Variants in CEP135 observed in about 807,000 individuals in gnomAD.
The protein encoded by CEP135 is centrosomal protein of 135 kDa.
In CEP135, 142 loss-of-function variants were observed where a neutral mutation model predicts 157.3. The observed-to-expected ratio is 0.90, with a 90% confidence interval of 0.79 to 1.04. The LOEUF (loss-of-function observed/expected upper bound fraction) is 1.04. Ranked by LOEUF, CEP135 falls within the 50% of genes least tolerant of loss-of-function variation. The pLI, the probability that CEP135 is intolerant of heterozygous loss-of-function variation, is 0.00. For missense variants in CEP135, 1,317 were observed against 1,309.2 expected, an observed-to-expected ratio of 1.01 and a Z score of -0.09; for synonymous variants, 396 against 439.8, an observed-to-expected ratio of 0.90 and a Z score of 1.25.
At chr4:55,991,058 C>T (rs1309460746) in intron 14 of CEP135, among the ~76,000 whole-genome samples, 2 of 152,054 alleles carry the variant, frequency 1.3e-5, no homozygotes, top group East Asian at 1.9e-4. Flanking sequence ...TCACTGCAAC[C>T]TCTGCCACCA....
intron 10 of CEP135, among the ~76,000 whole-genome samples, chr4:55,972,195 A>G (rs1729050921): frequency 6.6e-6 from 1 of 152,118 alleles, no homozygotes; most frequent in South Asian, 2.1e-4. Flanking sequence ...ACCGATGTTT[A>G]TGAATCACCT....
rs570224718 is a variant in CEP135, at chr4:55,952,088, C to G, written c.-43C>G. 2.0e-6 allele frequency: 2 copies of G among 986,860 alleles called. No homozygotes were observed. The highest frequency in any genetic ancestry group is 1.5e-5 in the South Asian group (1 of 66,478). The allele number at this position is 986,860 out of a possible 1,614,324, so 61.1% of individuals were successfully genotyped here. A position where few individuals can be genotyped will look rare whatever the true frequency, so the allele number is the denominator to read the frequency against. On this transcript the variant is annotated splice_region_variant and 5_prime_UTR_variant, in exon 2 of 26. Coordinates refer to ENST00000257287, the MANE Select transcript of CEP135 (RefSeq NM_025009.5). The stretch of plus-strand genomic sequence containing the variant: ...GATGTTTCATTCTTTTCTCTCAGGA[C>G]TTTAATTTTTGGAAGTGAATAAAAC...
chr4:56,003,485 G>T (rs1730249788), intron 17 of CEP135, among the ~76,000 whole-genome samples: 2 of 152,164 alleles, frequency 1.3e-5, no homozygotes, highest in African/African-American at 4.8e-5. Flanking sequence ...TGGGATTAGA[G>T]GTGTGAGCCA....
intron 25 of CEP135, among the ~76,000 whole-genome samples, chr4:56,028,199 C>T (rs891462773): frequency 6.6e-6 from 1 of 152,150 alleles, no homozygotes; most frequent in African/African-American, 2.4e-5. Context: ...GTACAAGTAT[C>T]TGTTTTAGTC....
At chr4:55,968,313 A>T (rs990361637) in intron 8 of CEP135, among the ~76,000 whole-genome samples, 3 of 152,098 alleles carry the variant, frequency 2.0e-5, no homozygotes, top group Non-Finnish European at 4.4e-5. Flanking sequence ...GGAAGACCCA[A>T]TATTGTTAAA....
In CEP135 at chr4:56,032,447, A is replaced by G. The variant is rs77053696; in HGVS notation, c.*1099A>G. 1 of 33,938 alleles carries G rather than the reference A, an allele frequency of 2.9e-5. No individual in the cohort carries two copies. Among genetic ancestry groups the G allele is most frequent in the Non-Finnish European group, 5.8e-5 (1 of 17,130 alleles). The allele number at this position is 33,938 out of a possible 1,614,324, so 2.1% of individuals were successfully genotyped here. A position where few individuals can be genotyped will look rare whatever the true frequency, so the allele number is the denominator to read the frequency against. ...GTGACAGAGTAACACTCTGTCTCAG[A>G]AAAAAAAAAAAAGAAAAATATATGG... On this transcript the variant is annotated 3_prime_UTR_variant, in exon 26 of 26. Coordinates refer to ENST00000257287, the MANE Select transcript of CEP135 (RefSeq NM_025009.5).
intron 6 of CEP135, among the ~76,000 whole-genome samples, chr4:55,963,879 AG>A (rs1577869940): frequency 6.6e-6 from 1 of 152,216 alleles, no homozygotes; most frequent in East Asian, 1.9e-4. Flanking sequence ...TACTTTTCTT[AG>A]TGTGTTACAC....
intron 14 of CEP135, among the ~76,000 whole-genome samples, chr4:55,986,850 A>G (rs1464542346): frequency 6.6e-6 from 1 of 152,096 alleles, no homozygotes; most frequent in Non-Finnish European, 1.5e-5. Flanking sequence ...GTTTTAATAT[A>G]TTTGCCTTCT....
chr4:56,020,728 C>G lies in CEP135; in HGVS notation c.3268C>G (p.Gln1090Glu). ...GCTTCGAGCTAAAGTGGCACAGTTA[C>G]AAACAGATTATGATGCTCTGAAAAG... ...TMLRAKVAQL[Q>E]TDYDALKRQI... Residue 1090 changes from glutamine (Q) to glutamate (E), a missense_variant, in exon 24 of 26, where the codon CAA becomes GAA. Physicochemically the swap from Gln to Glu is conservative, Grantham distance 29. Transcript: ENST00000257287. 1 of 1,613,736 alleles carries G rather than the reference C, an allele frequency of 6.2e-7. No individual in the cohort carries two copies. The highest frequency in any genetic ancestry group is 8.5e-7 in the Non-Finnish European group (1 of 1,179,790).
intron 18 of CEP135, among the ~76,000 whole-genome samples, chr4:56,008,753 A>G (rs903659483): frequency 3.3e-5 from 5 of 152,224 alleles, no homozygotes; most frequent in Non-Finnish European, 7.3e-5. Flanking sequence ...TTTACATTTT[A>G]TGTATAGTCT....
intron 19 of CEP135, among the ~76,000 whole-genome samples, chr4:56,010,718 G>A (rs918199856): frequency 6.6e-6 from 1 of 152,092 alleles, no homozygotes; most frequent in Non-Finnish European, 1.5e-5. Flanking sequence ...AGTTCTGTTC[G>A]TGCTGGTTTC....
At chr4:55,977,256 G>GTAA (rs1387623448) in intron 11 of CEP135, among the ~76,000 whole-genome samples, 2 of 152,178 alleles carry the variant, frequency 1.3e-5, no homozygotes, top group Non-Finnish European at 2.9e-5. Flanking sequence ...TGTTGGGATT[G>GTAA]TAATAACTCA....
intron 11 of CEP135, among the ~76,000 whole-genome samples, chr4:55,977,298 T>C (rs943334946): frequency 1.1e-4 from 17 of 152,316 alleles, no homozygotes; most frequent in African/African-American, 3.4e-4. Context: ...ATATCAATTC[T>C]CTATTCCCTG....
In CEP135 at chr4:55,998,856, C is replaced by A. The variant is rs927077012; in HGVS notation, c.2010-446C>A. Among the ~76,000 whole-genome samples, 3 of 152,108 alleles carry A rather than the reference C, an allele frequency of 2.0e-5. No homozygotes were observed. The East Asian group carries it at 5.8e-4, about 29-fold the overall frequency. ...CTCCAGCCTGTGTGTCAGAGGGAGA[C>A]CCTGCCTCAAACAAACAAAAAAAAG... is the stretch of plus-strand genomic sequence containing the variant. On this transcript the variant is annotated intron_variant, in intron 15 of 25. Transcript: ENST00000257287.
intron 14 of CEP135, among the ~76,000 whole-genome samples, chr4:55,991,231 C>T (rs923276391): frequency 6.6e-6 from 1 of 151,962 alleles, no homozygotes; most frequent in East Asian, 1.9e-4. Context: ...CCACCGTGGC[C>T]TCCCATATAA....
At position 56,032,847 on chromosome 4, in the gene CEP135, A is replaced by T. The variant is rs1249274105; in HGVS notation, c.*1499A>T. On this transcript the variant is annotated 3_prime_UTR_variant, in exon 26 of 26. Coordinates refer to ENST00000257287, the MANE Select transcript of CEP135 (RefSeq NM_025009.5). ...TTCCTCTTGTGGTTTAATAAAGTGA[A>T]GTGTGTGTGTGTGTGTGTGTGTGTA... is the stretch of plus-strand genomic sequence containing the variant. 1.3e-5 allele frequency: 2 copies of T among 149,730 alleles called. No individual in the cohort carries two copies. The highest frequency in any genetic ancestry group is 4.9e-5 in the African/African-American group (2 of 40,850). The allele number at this position is 149,730 out of a possible 1,614,324, so 9.3% of individuals were successfully genotyped here.
intron 24 of CEP135, among the ~76,000 whole-genome samples, chr4:56,021,985 G>A (rs991876665): frequency 8.5e-5 from 13 of 152,094 alleles, no homozygotes; most frequent in African/African-American, 2.4e-4. Flanking sequence ...AGCTGTGATC[G>A]TGCCACTGCC....
At chr4:55,965,457 A>T in intron 7 of CEP135, 187 bp from the exon 8 acceptor site, 1 of 489,932 alleles carries the variant, frequency 2.0e-6, no homozygotes, top group Middle Eastern at 5.7e-4. Context: ...GTCAATGGAT[A>T]TGTACTTTCA....
chr4:56,030,857 T>C (rs936669130), intron 25 of CEP135, among the ~76,000 whole-genome samples: 3 of 152,092 alleles, frequency 2.0e-5, no homozygotes, highest in Non-Finnish European at 1.5e-5. Context: ...TAAACAAAAG[T>C]ATAAGCCAGG....
Sources: gnomAD v4.1 joint callset for allele counts (sites outside exome capture counted in the v4.1 genomes callset) on GRCh38, gnomAD v4.1.1 for gene constraint, MANE v1.5 for transcripts, NCBI Gene and HGNC (gene_info 2026-07-23, HGNC 2026-07-21) for gene names.